Variants in BBS9 observed in about 807,000 individuals in gnomAD.
BBS9 encodes protein PTHB1.
A neutral mutation model predicts 117.7 loss-of-function variants in BBS9; 89 were observed. The ratio of observed to expected loss-of-function variants is 0.76; its 90% CI spans 0.64 to 0.90. BBS9 has a LOEUF of 0.90. Among genes scored for constraint, BBS9 ranks in the 40% least tolerant of loss-of-function variants. BBS9 has a pLI of 0.00. For missense variants in BBS9, 982 were observed against 1,042.2 expected (o/e 0.94, Z 0.80); for synonymous variants, 379 against 370.9 (o/e 1.02, Z -0.25).
At chr7:33,551,979 GAA>G (rs1279580105) in intron 21 of BBS9, among the ~76,000 whole-genome samples, 1 of 152,020 alleles carries the variant, frequency 6.6e-6, no homozygotes, top group Non-Finnish European at 1.5e-5. Flanking sequence ...CACAGTTTTT[GAA>G]GTTTTCTGAT....
At chr7:33,422,386 T>C (rs1832991613) in intron 19 of BBS9, among the ~76,000 whole-genome samples, 1 of 152,236 alleles carries the variant, frequency 6.6e-6, no homozygotes, top group Non-Finnish European at 1.5e-5. Flanking sequence ...TTCTTACTGT[T>C]GGTGATTTAC....
At chr7:33,355,550 G>A (rs555032171) in intron 15 of BBS9, among the ~76,000 whole-genome samples, 8 of 151,920 alleles carry the variant, frequency 5.3e-5, no homozygotes, top group African/African-American at 1.9e-4. Context: ...AAGTATGAGT[G>A]TCATCATTTT....
At chr7:33,564,025 G>C (rs1481247012) in intron 21 of BBS9, among the ~76,000 whole-genome samples, 1 of 132,892 alleles carries the variant, frequency 7.5e-6, no homozygotes, top group Admixed American at 7.8e-5. Flanking sequence ...AATCTTGCCT[G>C]GAATTCATCA....
intron 21 of BBS9, among the ~76,000 whole-genome samples, chr7:33,534,789 C>T (rs1851117439): frequency 6.6e-6 from 1 of 152,146 alleles, no homozygotes; most frequent in Non-Finnish European, 1.5e-5. Context: ...GTCAGTCGTG[C>T]AGCCCTCAGG....
Position 33,621,889 on chromosome 7 carries a change from G to T in BBS9, c.2522-13288G>T, listed in dbSNP as rs529680320. ...ATAAACCTAGAGGACATTATGCTTTGTGAACTTAGCCAGGCATGGAAAGAC... is the reference window on the plus strand; with the variant it reads ...ATAAACCTAGAGGACATTATGCTTTTTGAACTTAGCCAGGCATGGAAAGAC... On this transcript the variant is annotated intron_variant, in intron 21 of 21. Transcript: ENST00000671952. Among the ~76,000 whole-genome samples the T allele has an allele frequency of 3.6e-3, 551 of 152,280 alleles. 4 individuals are homozygous for T. Among genetic ancestry groups the T allele is most frequent in the Non-Finnish European group, 4.6e-3 (315 of 68,018 alleles).
chr7:33,606,814 AC>A (rs1401552099), downstream of BBS9, among the ~76,000 whole-genome samples: 2 of 152,076 alleles, frequency 1.3e-5, no homozygotes, highest in Non-Finnish European at 2.9e-5. Flanking sequence ...CATGGACTGT[AC>A]TTTTAGCCCT....
At chr7:33,427,046 T>C (rs879429527) in intron 19 of BBS9, among the ~76,000 whole-genome samples, 2 of 152,046 alleles carry the variant, frequency 1.3e-5, no homozygotes, top group African/African-American at 4.8e-5. Flanking sequence ...TATAAAAGAT[T>C]TGGGTTCCCT....
chr7:33,500,143 TTG>T (rs1845245341), intron 19 of BBS9, among the ~76,000 whole-genome samples: 1 of 152,226 alleles, frequency 6.6e-6, no homozygotes, highest in African/African-American at 2.4e-5. Context: ...CCACACAACT[TTG>T]TGCAGAAACC....
In BBS9 at chr7:33,166,339, G is replaced by C. The variant is rs113537608; in HGVS notation, c.328+10637G>C. 7.0e-3 allele frequency among the ~76,000 whole-genome samples: 1,069 copies of C among 152,332 alleles called. 12 individuals are homozygous for C. The highest frequency in any genetic ancestry group is 0.022 in the African/African-American group (901 of 41,576). On this transcript the variant is annotated intron_variant, in intron 4 of 22. Coordinates refer to ENST00000242067, the MANE Select transcript of BBS9 (RefSeq NM_198428.3). ...AGGGACCCACTTGAGGAGGCAGTCT[G>C]TCTGTTCTCAGAGCTAAAACACCAT... is the stretch of plus-strand genomic sequence containing the variant.
chr7:33,193,421 C>CGTTTTTTTTTT, intron 5 of BBS9, among the ~76,000 whole-genome samples: 1 of 67,794 alleles, frequency 1.5e-5, no homozygotes, highest in Non-Finnish European at 3.3e-5. Context: ...CCTCTCTCTG[C>CGTTTTTTTTTT]CTTTTTTTTT....
Position 33,200,322 on chromosome 7 carries a change from G to T in BBS9, c.442+22731G>T, listed in dbSNP as rs567104956. Among the ~76,000 whole-genome samples the T allele has an allele frequency of 2.6e-5, 4 of 152,152 alleles. 1 individual carries two copies. Among genetic ancestry groups the T allele is most frequent in the African/African-American group, 9.6e-5 (4 of 41,526 alleles). On this transcript the variant is annotated intron_variant, in intron 5 of 22. Transcript: ENST00000242067. ...TTACTGTTATTTCTCTCTGATTTAA[G>T]TCTCTCAACCTCTATCCGCTCTACC...
At chr7:33,490,096 A>G (rs1213636351) in intron 19 of BBS9, among the ~76,000 whole-genome samples, 1 of 152,180 alleles carries the variant, frequency 6.6e-6, no homozygotes, top group Non-Finnish European at 1.5e-5. Flanking sequence ...AAAGTGAGTT[A>G]TTTTTAAAAC....
intron 5 of BBS9, among the ~76,000 whole-genome samples, chr7:33,203,702 C>A (rs17396229): frequency 0.12 from 15,551 of 131,152 alleles, 1,123 homozygotes; most frequent in Non-Finnish European, 0.17. Context: ...TTTATTTTTA[C>A]GATATTGGAA....
At chr7:33,555,052 T>A (rs956885632) in intron 21 of BBS9, among the ~76,000 whole-genome samples, 2 of 152,214 alleles carry the variant, frequency 1.3e-5, no homozygotes, top group Non-Finnish European at 1.5e-5. Flanking sequence ...CATTTCTCCT[T>A]TTATATATTC....
chr7:33,145,159 A>G (rs1355363768), intron 1 of BBS9, among the ~76,000 whole-genome samples: 1 of 152,230 alleles, frequency 6.6e-6, no homozygotes, highest in Admixed American at 6.5e-5. Flanking sequence ...GTATTTGCTA[A>G]TTCATTGTTT....
intron 19 of BBS9, among the ~76,000 whole-genome samples, chr7:33,498,469 A>G (rs1474577223): frequency 6.6e-6 from 1 of 152,116 alleles, no homozygotes; most frequent in Non-Finnish European, 1.5e-5. Flanking sequence ...AACCCCTCCT[A>G]AAAGAAACCA....
At chr7:33,414,074 A>G (rs1368604454) in intron 19 of BBS9, among the ~76,000 whole-genome samples, 1 of 152,022 alleles carries the variant, frequency 6.6e-6, no homozygotes, top group Non-Finnish European at 1.5e-5. Context: ...AAAACCAAAA[A>G]CCAAACTGAA....
At chr7:33,473,359 T>C (rs1050843437) in intron 19 of BBS9, among the ~76,000 whole-genome samples, 3 of 124,928 alleles carry the variant, frequency 2.4e-5, no homozygotes, top group African/African-American at 9.0e-5. Flanking sequence ...AGTCTTGCTC[T>C]GTCACCCGGG....
rs1562773513 is a variant in BBS9 at position 33,193,421 on chromosome 7, C to CG, written c.442+15830_442+15831insG. Among the ~76,000 whole-genome samples, 233 of 67,782 alleles carry CG rather than the reference C, an allele frequency of 3.4e-3. 12 individuals are homozygous for CG. Among genetic ancestry groups the CG allele is most frequent in the African/African-American group, 0.01 (194 of 18,628 alleles). 44.5% of individuals were successfully genotyped at this position (67,782 alleles called of 152,430 possible). A position where few individuals can be genotyped will look rare whatever the true frequency, so the allele number is the denominator to read the frequency against. ...TTGTCTTCCCCTGTCCCTCTCTCTGCCTTTTTTTTTTTTTTTTTTTGTAGT... is the reference window on the plus strand; with the variant it reads ...TTGTCTTCCCCTGTCCCTCTCTCTGCGCTTTTTTTTTTTTTTTTTTTGTAGT... On this transcript the variant is annotated intron_variant, in intron 5 of 22. Transcript: ENST00000242067.
Sources: gnomAD v4.1 joint callset for allele counts (sites outside exome capture counted in the v4.1 genomes callset) on GRCh38, gnomAD v4.1.1 for gene constraint, MANE v1.5 for transcripts, NCBI Gene and HGNC (gene_info 2026-07-23, HGNC 2026-07-21) for gene names.